Variants in KCNJ16 observed in about 807,000 individuals in gnomAD.
The protein encoded by KCNJ16 is potassium inwardly rectifying channel subfamily J member 16.
KCNJ16 carries 15 observed loss-of-function variants against 18.5 expected under a neutral mutation model. That is an observed-to-expected ratio of 0.81 (90% confidence interval 0.54 to 1.25). KCNJ16 has a LOEUF of 1.25. KCNJ16 is among the 50% of genes most tolerant of loss of function. KCNJ16 has a pLI of 0.00. For synonymous variants in KCNJ16, 174 were observed against 186.5 expected, an observed-to-expected ratio of 0.93 and a Z score of 0.55; for missense variants, 523 against 525.7, an observed-to-expected ratio of 0.99 and a Z score of 0.05.
At chr17:70,092,374 G>C (rs1453063377) in intron 1 of KCNJ16, among the ~76,000 whole-genome samples, 1 of 152,022 alleles carries the variant, frequency 6.6e-6, no homozygotes, top group African/African-American at 2.4e-5. Flanking sequence ...TAGCATTTCT[G>C]AAAAACAAAC....
In KCNJ16 at chr17:70,133,343, A is replaced by G. The variant is rs1307858784; in HGVS notation, c.1256A>G (p.Ter419TrpextTer2). 2 of 1,603,910 alleles carry G rather than the reference A, an allele frequency of 1.2e-6. No homozygotes were observed. Among genetic ancestry groups the G allele is most frequent in the Non-Finnish European group, 1.7e-6 (2 of 1,173,406 alleles). Reference protein sequence around the residue: ...LNRISVESQM* With the variant: ...LNRISVESQMW ...AGAATCTCTGTAGAATCCCAAATGT[A>G]GTCCTAAATTGCAATTATGAGGGCT... Residue 419 changes from the stop codon to tryptophan, a stop_lost, in exon 4 of 4, where the codon TAG becomes TGG. Coordinates refer to ENST00000392671, the MANE Select transcript of KCNJ16 (RefSeq NM_170741.4).
intron 2 of KCNJ16, chr17:70,128,664 A>G (rs965941193): frequency 1.3e-5 from 2 of 152,248 alleles, no homozygotes; most frequent in Admixed American, 1.3e-4. Context: ...TTTTCCTTCG[A>G]ACTTCATATT....
chr17:70,083,740 A>C (rs1319728832), intron 1 of KCNJ16, among the ~76,000 whole-genome samples: 1 of 152,200 alleles, frequency 6.6e-6, no homozygotes, highest in Non-Finnish European at 1.5e-5. Context: ...GACTGTATAT[A>C]TATCATAAAA....
At chr17:70,103,936 T>G (rs1383093352) in intron 2 of KCNJ16, among the ~76,000 whole-genome samples, 1 of 66,818 alleles carries the variant, frequency 1.5e-5, no homozygotes, top group Non-Finnish European at 3.0e-5. Flanking sequence ...TATTTTATTA[T>G]CTTTTTTTTT....
intron 2 of KCNJ16, among the ~76,000 whole-genome samples, chr17:70,106,006 G>C (rs1391280680): frequency 6.6e-6 from 1 of 152,156 alleles, no homozygotes; most frequent in Non-Finnish European, 1.5e-5. Context: ...AATTCAGATG[G>C]AGTGCGGGTA....
chr17:70,097,888 T>C (rs1290577197), intron 1 of KCNJ16, among the ~76,000 whole-genome samples: 2 of 152,178 alleles, frequency 1.3e-5, no homozygotes, highest in African/African-American at 4.8e-5. Context: ...ATCTGTTTCC[T>C]AGGTTATGAC....
At chr17:70,082,603 C>T (rs115970609) in intron 1 of KCNJ16, among the ~76,000 whole-genome samples, 2 of 152,200 alleles carry the variant, frequency 1.3e-5, no homozygotes, top group Non-Finnish European at 2.9e-5. Context: ...GGAACTACAA[C>T]TAACACCAAA....
At chr17:70,118,758 G>A (rs528636420) in intron 2 of KCNJ16, among the ~76,000 whole-genome samples, 1 of 152,218 alleles carries the variant, frequency 6.6e-6, no homozygotes, top group South Asian at 2.1e-4. Flanking sequence ...CAGCACTGGG[G>A]AATACATTTC....
chr17:70,133,423 T>C lies in KCNJ16; in HGVS notation c.*79T>C, dbSNP rs549598897. 301 of 1,220,304 alleles carry C rather than the reference T, an allele frequency of 2.5e-4. 1 individual carries two copies. The South Asian group carries it at 4.2e-3, about 17-fold the overall frequency. The allele number at this position is 1,220,304 out of a possible 1,614,324, so 75.6% of individuals were successfully genotyped here. ...TCAAGTCGTTGTAAACGTGGCTTTTTTGAAAGTGTTATGGCTATGTTTTAT... is the reference window on the plus strand; with the variant it reads ...TCAAGTCGTTGTAAACGTGGCTTTTCTGAAAGTGTTATGGCTATGTTTTAT... On this transcript the variant is annotated 3_prime_UTR_variant, in exon 4 of 4. Coordinates refer to ENST00000392671, the MANE Select transcript of KCNJ16 (RefSeq NM_170741.4).
In KCNJ16 at chr17:70,132,881, C is replaced by T. The variant is rs145842577; in HGVS notation, c.794C>T (p.Ala265Val). Reference protein sequence around the residue: ...HEIDHESPLYALDRKAVAKDN... With the variant: ...HEIDHESPLYVLDRKAVAKDN... ...ATTGACCATGAGAGCCCTCTGTATG[C>T]CCTTGACCGCAAAGCAGTAGCCAAA... The change falls in exon 4 of 4, where the codon GCC (alanine) becomes GTC (valine). Residue 265 changes from alanine (A) to valine (V), a missense_variant. Coordinates refer to ENST00000392671, the MANE Select transcript of KCNJ16 (RefSeq NM_170741.4). 6.2e-7 allele frequency: 1 copy of T among 1,614,076 alleles called. No homozygotes were observed.
At chr17:70,091,822 T>C (rs1387387624) in intron 1 of KCNJ16, among the ~76,000 whole-genome samples, 4 of 152,182 alleles carry the variant, frequency 2.6e-5, no homozygotes, top group Admixed American at 2.6e-4. Flanking sequence ...CTCCCTTACT[T>C]ATTTCCAGGG....
chr17:70,081,952 T>C (rs2071574337), intron 1 of KCNJ16, among the ~76,000 whole-genome samples: 1 of 152,206 alleles, frequency 6.6e-6, no homozygotes, highest in Admixed American at 6.5e-5. Flanking sequence ...TCAGTGACCA[T>C]GCTGCCACTC....
chr17:70,083,832 C>A (rs1006316884), intron 1 of KCNJ16, among the ~76,000 whole-genome samples: 31 of 152,094 alleles, frequency 2.0e-4, no homozygotes, highest in Admixed American at 1.8e-3. Flanking sequence ...AGTTGTAGGG[C>A]AGGCAATTGG....
intron 2 of KCNJ16, among the ~76,000 whole-genome samples, chr17:70,115,039 G>C (rs2073349427): frequency 6.6e-6 from 1 of 152,086 alleles, no homozygotes; most frequent in South Asian, 2.1e-4. Context: ...CGATTAGTTG[G>C]TGCAAACGTG....
At chr17:70,123,996 C>T (rs1478672460) in intron 2 of KCNJ16, among the ~76,000 whole-genome samples, 2 of 152,150 alleles carry the variant, frequency 1.3e-5, no homozygotes, top group Non-Finnish European at 2.9e-5. Flanking sequence ...CTTATGGAAA[C>T]CAGGTCTTAA....
intron 2 of KCNJ16, among the ~76,000 whole-genome samples, chr17:70,127,412 C>T (rs571824890): frequency 6.6e-6 from 1 of 151,568 alleles, no homozygotes; most frequent in South Asian, 2.1e-4. Flanking sequence ...GGATTCCAGG[C>T]CTCAGGCTCC....
intron 1 of KCNJ16, among the ~76,000 whole-genome samples, chr17:70,082,936 T>G (rs73998752): frequency 0.018 from 2,816 of 152,230 alleles, 80 homozygotes; most frequent in African/African-American, 0.063. Context: ...TTCTCCACCA[T>G]CAGTTTCTTC....
intron 2 of KCNJ16, among the ~76,000 whole-genome samples, chr17:70,121,825 T>C (rs2073652421): frequency 6.6e-6 from 1 of 151,986 alleles, no homozygotes; most frequent in Admixed American, 6.6e-5. Context: ...TAGCTGAGTG[T>C]GGTGGCACAT....
chr17:70,111,594 G>A (rs16975152), intron 2 of KCNJ16, among the ~76,000 whole-genome samples: 9,976 of 151,930 alleles, frequency 0.066, 1,073 homozygotes, highest in African/African-American at 0.23. Flanking sequence ...ACATATGCTC[G>A]CAGACAGGCA....
Sources: gnomAD v4.1 joint callset for allele counts (sites outside exome capture counted in the v4.1 genomes callset) on GRCh38, gnomAD v4.1.1 for gene constraint, MANE v1.5 for transcripts, NCBI Gene and HGNC (gene_info 2026-07-23, HGNC 2026-07-21) for gene names.